Variants in SLC35F4 observed in about 807,000 individuals in gnomAD.
SLC35F4 encodes chromosome 14 open reading frame 36.
SLC35F4 carries 24 observed loss-of-function variants against 44.2 expected under a neutral mutation model. The observed-to-expected ratio is 0.54, with a 90% CI of 0.39 to 0.76. The LOEUF (loss-of-function observed/expected upper bound fraction) is 0.76. Ranked by LOEUF, SLC35F4 falls within the 30% of genes least tolerant of loss-of-function variation. The pLI, the probability that SLC35F4 is intolerant of heterozygous loss-of-function variation, is 0.00. For synonymous variants in SLC35F4, 238 were observed against 223.6 expected, an observed-to-expected ratio of 1.06 and a Z score of -0.57; for missense variants, 562 against 586.1, an observed-to-expected ratio of 0.96 and a Z score of 0.42.
intron 1 of SLC35F4, among the ~76,000 whole-genome samples, chr14:57,721,008 A>ATATATATATATATC (rs2076074319): frequency 2.4e-5 from 3 of 123,582 alleles, no homozygotes; most frequent in Non-Finnish European, 3.5e-5. Flanking sequence ...ATATATATAT[A>ATATATATATATATC]TATATATGAG....
chr14:57,692,650 A>G (rs895374262), intron 1 of SLC35F4, among the ~76,000 whole-genome samples: 1 of 152,108 alleles, frequency 6.6e-6, no homozygotes, highest in Admixed American at 6.6e-5. Flanking sequence ...CGGAATTACA[A>G]TTACCTAATT....
chr14:57,976,568 A>G (rs1419295813), downstream of SLC35F4, among the ~76,000 whole-genome samples: 2 of 152,222 alleles, frequency 1.3e-5, no homozygotes, highest in Non-Finnish European at 2.9e-5. Context: ...CTTACAGCAC[A>G]TAGGGCTGGC....
chr14:57,867,639 G>A (rs556516865), upstream of SLC35F4, among the ~76,000 whole-genome samples: 1 of 150,948 alleles, frequency 6.6e-6, no homozygotes, highest in South Asian at 2.1e-4. Flanking sequence ...GCACACTTTT[G>A]TTAGTTTTAT....
At chr14:57,858,819 T>C (rs1337624821) in intron 1 of SLC35F4, among the ~76,000 whole-genome samples, 2 of 150,036 alleles carry the variant, frequency 1.3e-5, no homozygotes, top group Non-Finnish European at 2.9e-5. Flanking sequence ...GTTGGGCCAA[T>C]GCAGTAGCTC....
chr14:57,728,439 TTC>T (rs1249282715), intron 1 of SLC35F4, among the ~76,000 whole-genome samples: 16,089 of 96,258 alleles, frequency 0.17, 2,345 homozygotes, highest in Non-Finnish European at 0.19. Flanking sequence ...TTTTCTTTCT[TTC>T]TTTTTTTTTT....
chr14:57,947,915 G>C (rs1420353083), intron 1 of SLC35F4, among the ~76,000 whole-genome samples: 1 of 152,082 alleles, frequency 6.6e-6, no homozygotes, highest in Non-Finnish European at 1.5e-5. Context: ...ATATGCTGTT[G>C]GATTTGGTTA....
At chr14:57,624,843 A>T (rs188063714) in intron 1 of SLC35F4, among the ~76,000 whole-genome samples, 3,401 of 152,268 alleles carry the variant, frequency 0.022, 69 homozygotes, top group South Asian at 0.048. Flanking sequence ...CCCACAGCCA[A>T]TATCATACTG....
chr14:57,735,022 G>GT (rs5808937), intron 1 of SLC35F4, among the ~76,000 whole-genome samples: 156 of 149,050 alleles, frequency 1.0e-3, no homozygotes, highest in South Asian at 3.8e-3. Context: ...AGCCAGAGCT[G>GT]TTTTTTTTTT....
chr14:57,953,615 A>G (rs769408229), intron 1 of SLC35F4, among the ~76,000 whole-genome samples: 1 of 152,210 alleles, frequency 6.6e-6, no homozygotes, highest in Non-Finnish European at 1.5e-5. Context: ...CAAAAAAACC[A>G]GGGATTGCAA....
At chr14:57,744,024 C>T (rs2076691578) in intron 1 of SLC35F4, among the ~76,000 whole-genome samples, 1 of 152,180 alleles carries the variant, frequency 6.6e-6, no homozygotes, top group South Asian at 2.1e-4. Context: ...AAAAATTCAA[C>T]AGCTCTTCAT....
chr14:57,947,168 T>TGTA (rs1177268623), intron 1 of SLC35F4, among the ~76,000 whole-genome samples: 10 of 152,170 alleles, frequency 6.6e-5, no homozygotes, highest in Non-Finnish European at 1.3e-4. Context: ...AGCAGTGTTT[T>TGTA]GTAGTTTTCC....
In SLC35F4 at chr14:57,812,597, G is replaced by A. The variant is rs555314468; in HGVS notation, c.103+53126C>T. Reference sequence around the variant, plus strand: ...TGTGGCATTTCACCCAGTGCTCAAGGGTCCTGGGGCCCAATGAATTTGGAT... The same window carrying A: ...TGTGGCATTTCACCCAGTGCTCAAGAGTCCTGGGGCCCAATGAATTTGGAT... On this transcript the variant is annotated intron_variant, in intron 1 of 7. Transcript: ENST00000556826. Among the ~76,000 whole-genome samples the A allele has an allele frequency of 2.6e-5, 4 of 152,218 alleles. No homozygotes were observed. In the South Asian group the frequency reaches 8.3e-4, roughly 32 times the overall value.
chr14:57,981,277 G>A (rs1413892072), intron 1 of SLC35F4, among the ~76,000 whole-genome samples: 5 of 152,240 alleles, frequency 3.3e-5, no homozygotes, highest in Non-Finnish European at 7.4e-5. Flanking sequence ...CATTTCCCAC[G>A]TGGCAGAGAC....
At chr14:57,851,498 T>C (rs2140986383) in intron 1 of SLC35F4, among the ~76,000 whole-genome samples, 1 of 152,322 alleles carries the variant, frequency 6.6e-6, no homozygotes, top group South Asian at 2.1e-4. Flanking sequence ...AAACAGTCTC[T>C]AAACTAGTAT....
chr14:57,592,237 C>T (rs922344147), intron 2 of SLC35F4, among the ~76,000 whole-genome samples: 2 of 152,204 alleles, frequency 1.3e-5, no homozygotes, highest in African/African-American at 4.8e-5. Context: ...CTAGCCCTGC[C>T]ATTGTATGGC....
chr14:57,806,547 A>C (rs1881343255), intron 1 of SLC35F4, among the ~76,000 whole-genome samples: 1 of 152,218 alleles, frequency 6.6e-6, no homozygotes, highest in Non-Finnish European at 1.5e-5. Flanking sequence ...AATAGTTAGC[A>C]TGCTCTTTCT....
chr14:57,939,847 AT>A (rs1260593083), intron 1 of SLC35F4, among the ~76,000 whole-genome samples: 1 of 152,164 alleles, frequency 6.6e-6, no homozygotes, highest in East Asian at 1.9e-4. Context: ...ATATATAAAT[AT>A]TTTTTTACAT....
intron 1 of SLC35F4, among the ~76,000 whole-genome samples, chr14:57,727,309 GT>G (rs1158889482): frequency 6.6e-6 from 1 of 151,496 alleles, no homozygotes; most frequent in Non-Finnish European, 1.5e-5. Flanking sequence ...TCTATTTTTT[GT>G]TAGACTGGCT....
At chr14:57,691,330 T>C (rs905022634) in intron 1 of SLC35F4, among the ~76,000 whole-genome samples, 4 of 152,120 alleles carry the variant, frequency 2.6e-5, no homozygotes, top group Non-Finnish European at 5.9e-5. Context: ...TTTTTATACA[T>C]TGAAGGTCAA....
Sources: gnomAD v4.1 joint callset for allele counts (sites outside exome capture counted in the v4.1 genomes callset) on GRCh38, gnomAD v4.1.1 for gene constraint, MANE v1.5 for transcripts, NCBI Gene and HGNC (gene_info 2026-07-23, HGNC 2026-07-21) for gene names.